The following KIFC3 variants were observed in gnomAD, a reference collection of about 807,000 sequenced individuals.
KIFC3 encodes kinesin family member C3.
A neutral mutation model predicts 101.8 loss-of-function variants in KIFC3; 60 were observed. The observed-to-expected ratio is 0.59, with a 90% confidence interval of 0.48 to 0.73. The LOEUF is 0.73. Ranked by LOEUF, KIFC3 falls within the 30% of genes least tolerant of loss-of-function variation. KIFC3 has a pLI of 0.00. For synonymous variants in KIFC3, 476 were observed against 482.7 expected, an observed-to-expected ratio of 0.99 and a Z score of 0.18; for missense variants, 966 against 1,137.1, an observed-to-expected ratio of 0.85 and a Z score of 2.16.
intron 1 of KIFC3, among the ~76,000 whole-genome samples, chr16:57,799,452 T>A (rs1458762177): frequency 6.6e-6 from 1 of 152,092 alleles, no homozygotes; most frequent in Admixed American, 6.5e-5. Flanking sequence ...AAGATAGCTA[T>A]TTGAAGGGTG....
chr16:57,832,589 A>G (rs1555479588), intron 1 of KIFC3, among the ~76,000 whole-genome samples: 1 of 152,108 alleles, frequency 6.6e-6, no homozygotes, highest in Non-Finnish European at 1.5e-5. Context: ...TGCTAAGATT[A>G]TAGACGTGAG....
Position 57,759,116 on chromosome 16 carries a change from C to CA in KIFC3, c.*24+8dup. 1 of 1,550,696 alleles carries CA rather than the reference C, an allele frequency of 6.4e-7. No homozygotes were observed. ...GCGGGCAGCCCTGGGCCACAGGCCC[C>CA]ACACTCACCTAGAGACTCTGCAGCC... On this transcript the variant is annotated intron_variant, in intron 19 of 19. Coordinates refer to ENST00000445690, the MANE Select transcript of KIFC3 (RefSeq NM_001130100.2).
At chr16:57,824,959 C>T (rs1555630553) in intron 1 of KIFC3, among the ~76,000 whole-genome samples, 1 of 152,134 alleles carries the variant, frequency 6.6e-6, no homozygotes, top group Non-Finnish European at 1.5e-5. Context: ...CAACCAGGCC[C>T]TCTCTCATCA....
chr16:57,782,241 T>C, intron 3 of KIFC3: 2 of 720,880 alleles, frequency 2.8e-6, no homozygotes, highest in Non-Finnish European at 3.4e-6. Flanking sequence ...GAGCCCCAGT[T>C]TAGAGACTGG....
At chr16:57,785,569 G>T (rs781931567) in intron 3 of KIFC3, 124 of 1,288,156 alleles carry the variant, frequency 9.6e-5, no homozygotes, top group Non-Finnish European at 1.2e-4. Flanking sequence ...TCTCGTCCTG[G>T]AGCTGGGACA....
Position 57,769,678 on chromosome 16 carries a change from T to C in KIFC3, c.1135A>G (p.Thr379Ala). ...LTLQPALRTLTNDYNGLKRQV... is the reference protein window; with the variant it reads ...LTLQPALRTLANDYNGLKRQV... ...CGCTTGAGCCCATTGTAGTCGTTGGTGAGGGTCCGCAGTGCCGGCTGCAAG... is the reference window on the plus strand; with the variant it reads ...CGCTTGAGCCCATTGTAGTCGTTGGCGAGGGTCCGCAGTGCCGGCTGCAAG... Residue 379 changes from threonine (T) to alanine (A), a missense_variant, in exon 9 of 20, where the codon ACC (threonine) becomes GCC (alanine). This residue lies in a region of KIFC3 where 689 missense variants were observed against 884.6 expected (regional missense o/e 0.78). Transcript: ENST00000445690. This position sits in a 1 kb window ranked among gnomAD's most constrained non-coding sequence, Gnocchi z 4.3. 6.2e-7 allele frequency: 1 copy of C among 1,612,370 alleles called. No homozygotes were observed. Among genetic ancestry groups the C allele is most frequent in the Non-Finnish European group, 8.5e-7 (1 of 1,179,980 alleles).
chr16:57,841,360 C>A (rs2055806410), intron 1 of KIFC3, among the ~76,000 whole-genome samples: 1 of 152,080 alleles, frequency 6.6e-6, no homozygotes, highest in Non-Finnish European at 1.5e-5. Context: ...CCTAAAGTTC[C>A]CTATTACATT....
chr16:57,836,926 T>G (rs559028426), intron 1 of KIFC3, among the ~76,000 whole-genome samples: 1 of 152,312 alleles, frequency 6.6e-6, no homozygotes, highest in African/African-American at 2.4e-5. Context: ...ACTCCTGGTA[T>G]AAAGTGATAC....
intron 1 of KIFC3, among the ~76,000 whole-genome samples, chr16:57,817,984 C>T (rs1189982875): frequency 6.6e-6 from 1 of 152,022 alleles, no homozygotes; most frequent in African/African-American, 2.4e-5. Context: ...TACAAAGCTT[C>T]TCCTGGCCAT....
At chr16:57,762,503 G>T (rs1303419544) in intron 12 of KIFC3, among the ~76,000 whole-genome samples, 7 of 152,216 alleles carry the variant, frequency 4.6e-5, no homozygotes, top group Admixed American at 3.3e-4. Flanking sequence ...GAGACTTATA[G>T]TGCAGCACTG....
intron 12 of KIFC3, among the ~76,000 whole-genome samples, 170 bp from the exon 13 acceptor site, chr16:57,762,440 T>C (rs2049979355): frequency 6.6e-6 from 1 of 152,198 alleles, no homozygotes; most frequent in African/African-American, 2.4e-5. Flanking sequence ...TGCGGGCAAC[T>C]GCACCTCTAT....
At chr16:57,815,078 C>A (rs782401489) in intron 1 of KIFC3, among the ~76,000 whole-genome samples, 1 of 152,126 alleles carries the variant, frequency 6.6e-6, no homozygotes, top group Non-Finnish European at 1.5e-5. Flanking sequence ...CAGGCCTGGC[C>A]CTGTCCAGGC....
chr16:57,861,387 C>T (rs1355906726), intron 1 of KIFC3, among the ~76,000 whole-genome samples: 2 of 152,206 alleles, frequency 1.3e-5, no homozygotes, highest in Non-Finnish European at 2.9e-5. Context: ...GATGGAGTCA[C>T]TCTGGTTAGG....
chr16:57,812,547 G>A lies in KIFC3; in HGVS notation c.109-14265C>T, dbSNP rs371890852. ...GCTGACCGAGTGTGATGGGGCCCTG[G>A]CCTTTGGTGCTTGCCTTCCTCAGAG... On this transcript the variant is annotated intron_variant, in intron 1 of 2. Transcript: ENST00000563028. Among the ~76,000 whole-genome samples, 17 of 152,302 alleles carry A rather than the reference G, an allele frequency of 1.1e-4. No individual in the cohort carries two copies. In the East Asian group the frequency reaches 3.3e-3, roughly 29 times the overall value.
intron 1 of KIFC3, among the ~76,000 whole-genome samples, chr16:57,841,654 G>A (rs1364509871): frequency 6.6e-6 from 1 of 151,994 alleles, no homozygotes; most frequent in Non-Finnish European, 1.5e-5. Flanking sequence ...GGGACAGAGC[G>A]AGACTGTCTC....
In KIFC3 at chr16:57,767,203, G is replaced by A. The variant is rs929913354; in HGVS notation, c.1219-218C>T. 1.2e-4 allele frequency among the ~76,000 whole-genome samples: 18 copies of A among 152,316 alleles called. 1 individual carries two copies. The highest frequency in any genetic ancestry group is 3.4e-3 in the Middle Eastern group (1 of 294). On this transcript the variant is annotated intron_variant, in intron 9 of 19. Coordinates refer to ENST00000445690, the MANE Select transcript of KIFC3 (RefSeq NM_001130100.2). ...CTGAGCCGCAGACACTAAGCTGACA[G>A]CTTGAGGCTGCTCTGCTAATAAGCA...
chr16:57,853,863 C>T lies in KIFC3; in HGVS notation c.108+8866G>A, dbSNP rs144733786. On this transcript the variant is annotated intron_variant, in intron 1 of 2. Transcript: ENST00000563028. ...GTCCAGGCTGGTCTCGAACTCCTGA[C>T]CTGAAGTGATCCACCCTCCTCGGCC... Among the ~76,000 whole-genome samples, 702 of 151,714 alleles carry T rather than the reference C, an allele frequency of 4.6e-3. 17 individuals carry two copies. Among genetic ancestry groups the T allele is most frequent in the South Asian group, 0.042 (203 of 4,806 alleles).
chr16:57,816,168 G>A lies in KIFC3; in HGVS notation c.109-17886C>T, dbSNP rs527681326. On this transcript the variant is annotated intron_variant, in intron 1 of 2. Coordinates refer to the KIFC3 transcript ENST00000563028. ...GCTGCTGGGGAGAGGAAAGGGGAGG[G>A]TGCTCCCACTTCTAATAGTTCATCA... is the stretch of plus-strand genomic sequence containing the variant. 2.4e-6 allele frequency: 3 copies of A among 1,249,606 alleles called. No homozygotes were observed. In the East Asian group the frequency reaches 1.7e-4, roughly 71 times the overall value. The allele number at this position is 1,249,606 out of a possible 1,614,324, so 77.4% of individuals were successfully genotyped here. A position where few individuals can be genotyped will look rare whatever the true frequency, so the allele number is the denominator to read the frequency against.
At position 57,765,459 on chromosome 16, in the gene KIFC3, G is replaced by A. The variant is rs782556794; in HGVS notation, c.1512C>T (p.Asp504=). 1.2e-5 allele frequency: 19 copies of A among 1,575,966 alleles called. No homozygotes were observed. The highest frequency in any genetic ancestry group is 2.3e-5 in the East Asian group (1 of 43,596). ...KVFSPQASQQ[D]VFQEVQALVT... is the part of the protein sequence containing the mutation. ...CTTTCCCGCATGGGGCCACACTCAC[G>A]TCCTGCTGCGAGGCCTGTGGGGAGA... The change falls in exon 11 of 20, where the codon GAC becomes GAT. Residue 504 remains aspartate (D), a splice_region_variant and synonymous_variant. Transcript: ENST00000445690.
Sources: gnomAD v4.1 joint callset for allele counts (sites outside exome capture counted in the v4.1 genomes callset) on GRCh38, gnomAD v4.1.1 for gene constraint, gnomAD v4.1.1 regional missense constraint, Gnocchi (gnomAD v3.1) non-coding constraint, MANE v1.5 for transcripts, NCBI Gene and HGNC (gene_info 2026-07-23, HGNC 2026-07-21) for gene names.